The following MYT1L variants were observed in gnomAD, a reference collection of about 807,000 sequenced individuals.
MYT1L encodes the protein myelin transcription factor 1 like.
MYT1L carries 12 observed loss-of-function variants against 126.7 expected under a neutral mutation model. That is an observed-to-expected ratio of 0.09 (90% CI 0.06 to 0.15). MYT1L has a LOEUF of 0.15. MYT1L is among the 10% of genes least tolerant of loss of function. The pLI is 1.00. For synonymous variants in MYT1L, 541 were observed against 604.2 expected, an observed-to-expected ratio of 0.90 and a Z score of 1.53; for missense variants, 979 against 1,585.2, an observed-to-expected ratio of 0.62 and a Z score of 6.49.
intron 1 of MYT1L, among the ~76,000 whole-genome samples, chr2:2,297,237 C>G (rs181236188): frequency 2.0e-5 from 3 of 152,234 alleles, no homozygotes; most frequent in Non-Finnish European, 2.9e-5. Flanking sequence ...TCGTGACCCT[C>G]GGAGGTTTTG....
At chr2:2,251,560 T>G (rs1422276009) in intron 2 of MYT1L, among the ~76,000 whole-genome samples, 1 of 152,138 alleles carries the variant, frequency 6.6e-6, no homozygotes, top group Non-Finnish European at 1.5e-5. Flanking sequence ...TTCCAAGGAA[T>G]GCACCCAGTA....
At chr2:1,878,491 A>C (rs1216794760) in intron 18 of MYT1L, among the ~76,000 whole-genome samples, 1 of 152,200 alleles carries the variant, frequency 6.6e-6, no homozygotes, top group Admixed American at 6.5e-5. Context: ...TGTGTAGTAA[A>C]AACCACACAA....
intron 4 of MYT1L, among the ~76,000 whole-genome samples, chr2:2,033,945 C>T (rs944169863): frequency 6.6e-6 from 1 of 152,130 alleles, no homozygotes; most frequent in Non-Finnish European, 1.5e-5. Flanking sequence ...GGGTGCATTA[C>T]AGAGAGGGTC....
chr2:2,292,703 T>C (rs1269976223), intron 1 of MYT1L, among the ~76,000 whole-genome samples: 2 of 152,172 alleles, frequency 1.3e-5, no homozygotes, highest in Non-Finnish European at 2.9e-5. Context: ...GAGCAAAGTT[T>C]GTATTTGTAA....
At chr2:2,295,843 C>T (rs371970626) in intron 1 of MYT1L, among the ~76,000 whole-genome samples, 3 of 136,288 alleles carry the variant, frequency 2.2e-5, no homozygotes, top group East Asian at 2.2e-4. Context: ...AGAGAGGGGA[C>T]GGGAGGTAGC....
intron 14 of MYT1L, among the ~76,000 whole-genome samples, chr2:1,894,373 A>C (rs2049309868): frequency 6.6e-6 from 1 of 152,208 alleles, no homozygotes; most frequent in Non-Finnish European, 1.5e-5. Flanking sequence ...CAGAGGCTGT[A>C]AGGGCACCCC....
At chr2:2,072,755 A>G (rs1240970758) in intron 3 of MYT1L, among the ~76,000 whole-genome samples, 1 of 152,150 alleles carries the variant, frequency 6.6e-6, no homozygotes, top group Non-Finnish European at 1.5e-5. Context: ...TGATGGTTTT[A>G]TAAGTGTTTG....
At chr2:1,838,916 G>C (rs2041259090) in intron 21 of MYT1L, among the ~76,000 whole-genome samples, 1 of 152,170 alleles carries the variant, frequency 6.6e-6, no homozygotes, top group African/African-American at 2.4e-5. Context: ...AAACTGCTGT[G>C]GTCATCTATA....
intron 1 of MYT1L, among the ~76,000 whole-genome samples, chr2:2,307,392 T>C (rs982709769): frequency 6.6e-6 from 1 of 152,026 alleles, no homozygotes; most frequent in Non-Finnish European, 1.5e-5. Flanking sequence ...ATGAAGATAA[T>C]GACAGGCTAC....
chr2:2,106,181 G>A (rs1227417316), intron 3 of MYT1L, among the ~76,000 whole-genome samples: 1 of 152,184 alleles, frequency 6.6e-6, no homozygotes, highest in African/African-American at 2.4e-5. Context: ...GCTTCCTTTG[G>A]AAGCCTTTCA....
chr2:2,097,577 A>C (rs1480458883), intron 3 of MYT1L, among the ~76,000 whole-genome samples: 1 of 152,188 alleles, frequency 6.6e-6, no homozygotes, highest in East Asian at 1.9e-4. Context: ...GTTTTTACAC[A>C]GTGGAAACTC....
chr2:1,940,713 G>T (rs986411059), intron 9 of MYT1L, among the ~76,000 whole-genome samples: 2 of 152,242 alleles, frequency 1.3e-5, no homozygotes, highest in Non-Finnish European at 2.9e-5. Flanking sequence ...TCCTTAGGGA[G>T]CCAGCTGCTG....
Position 1,801,432 on chromosome 2 carries a change from A to C in MYT1L, c.3276+264T>G, listed in dbSNP as rs1208580031. The C allele has an allele frequency of 1.1e-5, 4 of 358,694 alleles. No individual in the cohort carries two copies. The East Asian group carries it at 1.4e-4, about 12-fold the overall frequency. 22.2% of individuals were successfully genotyped at this position (358,694 alleles called of 1,614,324 possible). ...GTTTGCAGGAACAGGCGATCCTCTG[A>C]AAATGCCTATTCACAAATGCACTTT... On this transcript the variant is annotated intron_variant, in intron 23 of 24. Coordinates refer to ENST00000647738, the MANE Select transcript of MYT1L (RefSeq NM_001303052.2). This position sits in a 1 kb window ranked among gnomAD's most constrained non-coding sequence, Gnocchi z 4.2.
chr2:2,017,523 G>A (rs1393499361), intron 4 of MYT1L, among the ~76,000 whole-genome samples: 1 of 152,170 alleles, frequency 6.6e-6, no homozygotes, highest in African/African-American at 2.4e-5. Context: ...TTGCTGTGTG[G>A]TGTCTGGGTG....
intron 8 of MYT1L, among the ~76,000 whole-genome samples, chr2:1,975,229 G>A (rs567815341): frequency 7.3e-5 from 5 of 68,068 alleles, no homozygotes; most frequent in South Asian, 4.1e-4. Flanking sequence ...CTGAGGAGGC[G>A]TGGCTCACCA....
chr2:2,009,567 C>T (rs961034835), intron 4 of MYT1L, among the ~76,000 whole-genome samples: 8 of 152,098 alleles, frequency 5.3e-5, no homozygotes, highest in Admixed American at 1.3e-4. Context: ...GCAACTTTGC[C>T]GAATTCATTC....
At chr2:1,976,082 T>C (rs898553994) in intron 8 of MYT1L, among the ~76,000 whole-genome samples, 3 of 83,828 alleles carry the variant, frequency 3.6e-5, no homozygotes, top group Non-Finnish European at 6.9e-5. Context: ...AACCTTAACA[T>C]AAACACATTC....
chr2:2,165,213 G>T (rs868065257), intron 3 of MYT1L, among the ~76,000 whole-genome samples: 15 of 152,144 alleles, frequency 9.9e-5, no homozygotes, highest in African/African-American at 3.6e-4. Context: ...TGTCTGTAAG[G>T]AAATGGATGC....
In MYT1L at chr2:1,910,483, G is replaced by A. The variant is rs17039160; in HGVS notation, c.1710-136C>T. 0.057 allele frequency: 39,778 copies of A among 701,380 alleles called. 1,274 individuals are homozygous for A. Among genetic ancestry groups the A allele is most frequent in the Middle Eastern group, 0.071 (298 of 4,188 alleles). The allele number at this position is 701,380 out of a possible 1,614,324, so 43.4% of individuals were successfully genotyped here. On this transcript the variant is annotated intron_variant, in intron 12 of 24. Transcript: ENST00000647738. The surrounding 1 kb of genome is among the most constrained non-coding windows in gnomAD (Gnocchi z 4.8). ...TAGTTTCCCAAACCTGGCACAGGCA[G>A]TCCTGATGGGTGGACTGGGAGAGGG...
Sources: gnomAD v4.1 joint callset for allele counts (sites outside exome capture counted in the v4.1 genomes callset) on GRCh38, gnomAD v4.1.1 for gene constraint, Gnocchi (gnomAD v3.1) non-coding constraint, MANE v1.5 for transcripts, NCBI Gene and HGNC (gene_info 2026-07-23, HGNC 2026-07-21) for gene names.